The following PAX8 variants were observed in gnomAD, a reference collection of about 807,000 sequenced individuals.
PAX8 encodes paired box protein Pax-8.
In PAX8, 15 loss-of-function variants were observed where a neutral mutation model predicts 52.4. The ratio of observed to expected loss-of-function variants is 0.29; its 90% CI spans 0.19 to 0.44. PAX8 has a LOEUF of 0.44. Ranked by LOEUF, PAX8 falls within the 20% of genes least tolerant of loss-of-function variation. PAX8 has a pLI of 1.00. For missense variants in PAX8, 554 were observed against 602.5 expected, an observed-to-expected ratio of 0.92 and a Z score of 0.84; for synonymous variants, 284 against 249.7, an observed-to-expected ratio of 1.14 and a Z score of -1.29.
At chr2:113,253,314 T>G (rs142017371) in intron 2 of PAX8, among the ~76,000 whole-genome samples, 4 of 152,356 alleles carry the variant, frequency 2.6e-5, no homozygotes, top group African/African-American at 9.6e-5. Flanking sequence ...CATCTCATGA[T>G]GGCATCATGG....
At chr2:113,235,324 C>A in intron 9 of PAX8, 70 bp downstream of exon 9, 1 of 1,312,636 alleles carries the variant, frequency 7.6e-7, no homozygotes, top group Non-Finnish European at 1.0e-6. Context: ...AGGGGGCTGG[C>A]GGTCTGCCCT....
intron 2 of PAX8, chr2:113,271,858 T>C (rs370723008): frequency 7.9e-5 from 12 of 151,624 alleles, no homozygotes; most frequent in African/African-American, 2.9e-4. Flanking sequence ...GGCAGAGTTG[T>C]GAGAATTAAA....
intron 10 of PAX8, among the ~76,000 whole-genome samples, chr2:113,225,030 C>T (rs942660930): frequency 1.3e-5 from 2 of 151,932 alleles, no homozygotes; most frequent in Admixed American, 6.6e-5. Context: ...TTGAAAAATC[C>T]GTGTTTGCAT....
At chr2:113,241,882 A>G in intron 6 of PAX8, 126 bp downstream of exon 6, 1 of 1,430,278 alleles carries the variant, frequency 7.0e-7, no homozygotes, top group Non-Finnish European at 9.7e-7. Context: ...GGGACAGGAC[A>G]TGTGACAGTC....
chr2:113,236,499 C>T, intron 8 of PAX8, 102 bp downstream of exon 8: 2 of 1,344,178 alleles, frequency 1.5e-6, no homozygotes, highest in Non-Finnish European at 2.0e-6. Context: ...GCACAGCCCG[C>T]CTCTCCTCTC....
chr2:113,231,853 C>T (rs13423615), intron 9 of PAX8, among the ~76,000 whole-genome samples: 3,119 of 152,226 alleles, frequency 0.02, 122 homozygotes, highest in African/African-American at 0.071. Context: ...CTCAGCCTCC[C>T]GAGTAGCTGG....
intron 2 of PAX8, among the ~76,000 whole-genome samples, chr2:113,277,552 C>CCAT (rs1271717556): frequency 6.6e-6 from 1 of 152,224 alleles, no homozygotes; most frequent in African/African-American, 2.4e-5. Context: ...CGGGCTCCAT[C>CCAT]CATCACTGCG....
intron 2 of PAX8, among the ~76,000 whole-genome samples, chr2:113,253,577 G>A (rs1573497585): frequency 6.6e-6 from 1 of 152,114 alleles, no homozygotes; most frequent in Non-Finnish European, 1.5e-5. Context: ...CAGCCTTGGG[G>A]CACTTGCACA....
intron 2 of PAX8, chr2:113,266,423 G>A (rs1181161514): frequency 6.6e-6 from 1 of 152,256 alleles, no homozygotes; most frequent in Non-Finnish European, 1.5e-5. Flanking sequence ...AAAGAAGGGT[G>A]TTTTGTAGGA....
intron 10 of PAX8, among the ~76,000 whole-genome samples, chr2:113,222,851 C>T (rs1237424086): frequency 2.6e-5 from 4 of 151,924 alleles, no homozygotes; most frequent in Admixed American, 6.6e-5. Flanking sequence ...ACTTCTATAT[C>T]CTCAATTCCC....
rs774148953 is a variant in PAX8, at chr2:113,242,045, G to A, written c.564C>T (p.Ile188=). The change falls in exon 6 of 12, where the codon ATC becomes ATT. Residue 188 remains isoleucine, a synonymous_variant. Coordinates refer to ENST00000429538, the MANE Select transcript of PAX8 (RefSeq NM_003466.4). ...TCCTCTTGTCGCTGCCAGGCTGAGC[G>A]ATGCCCAGGAGCCCATTGATGGAGT... ...STYSINGLLG[I]AQPGSDKRKM... The A allele has an allele frequency of 7.4e-6, 12 of 1,613,594 alleles. No individual in the cohort carries two copies. Among genetic ancestry groups the A allele is most frequent in the East Asian group, 4.5e-5 (2 of 44,872 alleles).
chr2:113,265,626 T>A (rs1168153185), intron 2 of PAX8: 1 of 152,244 alleles, frequency 6.6e-6, no homozygotes, highest in Non-Finnish European at 1.5e-5. Flanking sequence ...CAGCATTTTG[T>A]GTCTATCTAG....
intron 7 of PAX8, 175 bp from the exon 8 acceptor site, chr2:113,236,896 T>C (rs1246073659): frequency 2.8e-6 from 2 of 708,952 alleles, no homozygotes; most frequent in African/African-American, 1.8e-5. Context: ...TCATGCTCAT[T>C]GTCCTCCCGC....
intron 8 of PAX8, 155 bp from the exon 9 acceptor site, chr2:113,235,737 G>A: frequency 1.6e-6 from 1 of 609,146 alleles, no homozygotes; most frequent in Non-Finnish European, 2.9e-6. Context: ...CGGGGCCCAC[G>A]AGGCGTGGCA....
chr2:113,220,411 G>A, intron 10 of PAX8: 1 of 518,856 alleles, frequency 1.9e-6, no homozygotes, highest in South Asian at 2.5e-5. Context: ...GGAGGCACTG[G>A]CTTGACATAC....
chr2:113,231,254 C>A (rs1689872535), intron 9 of PAX8, among the ~76,000 whole-genome samples: 1 of 152,166 alleles, frequency 6.6e-6, no homozygotes, highest in African/African-American at 2.4e-5. Context: ...GATGATAAAA[C>A]CTAACTCATG....
intron 3 of PAX8, among the ~76,000 whole-genome samples, chr2:113,245,301 C>T (rs187216797): frequency 1.9e-3 from 291 of 152,310 alleles, no homozygotes; most frequent in African/African-American, 6.4e-3. Flanking sequence ...CCACCTTGGC[C>T]TCCCAAAGTG....
chr2:113,230,221 T>G (rs544156769), intron 9 of PAX8, among the ~76,000 whole-genome samples: 86 of 152,314 alleles, frequency 5.6e-4, no homozygotes, highest in African/African-American at 2.0e-3. Context: ...GCTGGCCTTG[T>G]GCCCTGCAGG....
intron 2 of PAX8, chr2:113,270,404 T>G (rs1156514365): frequency 9.2e-5 from 14 of 152,200 alleles, no homozygotes; most frequent in Non-Finnish European, 1.5e-4. Context: ...GACATCTGAC[T>G]TGACTAAGTT....
Sources: allele counts gnomAD v4.1 joint callset (sites outside exome capture counted in the v4.1 genomes callset), GRCh38; gene constraint gnomAD v4.1.1; transcripts MANE v1.5; gene names NCBI Gene and HGNC (gene_info 2026-07-23, HGNC 2026-07-21).